Variants in LDB2 observed in about 807,000 individuals in gnomAD.
LDB2 encodes LIM domain binding 2, also known as LIM domain-binding protein 2.
A neutral mutation model predicts 44.3 loss-of-function variants in LDB2; 12 were observed. The ratio of observed to expected loss-of-function variants is 0.27; its 90% CI spans 0.17 to 0.44. LDB2 has a LOEUF of 0.44. LDB2 is among the 20% of genes least tolerant of loss of function. The pLI, the probability that LDB2 is intolerant of heterozygous loss-of-function variation, is 1.00. For synonymous variants in LDB2, 164 were observed against 174.8 expected (o/e 0.94, Z 0.49); for missense variants, 344 against 473.5 (o/e 0.73, Z 2.54).
At chr4:16,654,385 GA>G (rs1739165888) in intron 2 of LDB2, among the ~76,000 whole-genome samples, 1 of 152,180 alleles carries the variant, frequency 6.6e-6, no homozygotes. Context: ...AAATGATAAA[GA>G]GTGTGGAAGG....
At chr4:16,717,581 A>C (rs1203529242) in intron 2 of LDB2, among the ~76,000 whole-genome samples, 1 of 152,216 alleles carries the variant, frequency 6.6e-6, no homozygotes, top group Non-Finnish European at 1.5e-5. Context: ...TAATCATATA[A>C]AAAGTTTTCT....
chr4:16,505,788 C>T, intron 7 of LDB2: 3 of 1,490,596 alleles, frequency 2.0e-6, no homozygotes, highest in Non-Finnish European at 2.7e-6. Context: ...GTGCCACCAG[C>T]TCTCACCCAT....
intron 2 of LDB2, among the ~76,000 whole-genome samples, chr4:16,751,263 A>G (rs1243698102): frequency 6.6e-6 from 1 of 152,224 alleles, no homozygotes; most frequent in Non-Finnish European, 1.5e-5. Flanking sequence ...GACTTATAAC[A>G]TATTAGGGGA....
rs918581892 is a variant in LDB2, at chr4:16,754,542, T to A, written c.235+4616A>T. 6.0e-5 allele frequency among the ~76,000 whole-genome samples: 9 copies of A among 150,640 alleles called. 1 individual carries two copies. The highest frequency in any genetic ancestry group is 1.9e-4 in the East Asian group (1 of 5,140). Reference sequence around the variant, plus strand: ...ATGGCAGTATTTTTTTTTTTTTTTTTATTGAGACAGAGTCTCGCTCTGTCA... The same window carrying A: ...ATGGCAGTATTTTTTTTTTTTTTTTAATTGAGACAGAGTCTCGCTCTGTCA... On this transcript the variant is annotated intron_variant, in intron 2 of 7. Coordinates refer to ENST00000304523, the MANE Select transcript of LDB2 (RefSeq NM_001290.5).
chr4:16,713,395 G>T (rs1756368607), intron 2 of LDB2, among the ~76,000 whole-genome samples: 1 of 151,708 alleles, frequency 6.6e-6, no homozygotes, highest in South Asian at 2.1e-4. Context: ...GATCAGAAAT[G>T]AAAGGAAGTG....
chr4:16,567,139 C>G (rs974804326), intron 5 of LDB2, among the ~76,000 whole-genome samples: 1 of 152,082 alleles, frequency 6.6e-6, no homozygotes, highest in African/African-American at 2.4e-5. Context: ...AGAAATTTCT[C>G]CTACATATTT....
intron 1 of LDB2, among the ~76,000 whole-genome samples, chr4:16,879,761 T>C (rs1358151399): frequency 2.0e-5 from 3 of 152,156 alleles, no homozygotes; most frequent in Non-Finnish European, 4.4e-5. Flanking sequence ...CCTGGATATA[T>C]ACCCTATATC....
At chr4:16,702,706 A>T (rs901951732) in intron 2 of LDB2, among the ~76,000 whole-genome samples, 6 of 152,076 alleles carry the variant, frequency 3.9e-5, no homozygotes, top group Admixed American at 1.3e-4. Context: ...CTGCATGGGG[A>T]TGCATGAGTG....
At chr4:16,881,068 C>A (rs1258636599) in intron 1 of LDB2, among the ~76,000 whole-genome samples, 3 of 152,140 alleles carry the variant, frequency 2.0e-5, no homozygotes, top group Non-Finnish European at 4.4e-5. Flanking sequence ...ACTGAGGAAC[C>A]AAAATCGAAG....
chr4:16,690,318 C>T (rs994069191), intron 2 of LDB2, among the ~76,000 whole-genome samples: 4 of 151,450 alleles, frequency 2.6e-5, no homozygotes, highest in African/African-American at 9.7e-5. Flanking sequence ...AAAAAATTAG[C>T]TGGGAATGGT....
intron 2 of LDB2, among the ~76,000 whole-genome samples, chr4:16,616,733 A>C (rs1327840062): frequency 6.6e-6 from 1 of 151,990 alleles, no homozygotes; most frequent in African/African-American, 2.4e-5. Flanking sequence ...TATTTCCCAG[A>C]GCTAGGAGAC....
At chr4:16,706,942 C>T (rs1754742301) in intron 2 of LDB2, among the ~76,000 whole-genome samples, 1 of 152,072 alleles carries the variant, frequency 6.6e-6, no homozygotes. Context: ...CTTTACTGAC[C>T]ACAATTCTGT....
At chr4:16,826,185 G>C (rs1195847911) in intron 1 of LDB2, among the ~76,000 whole-genome samples, 1 of 152,098 alleles carries the variant, frequency 6.6e-6, no homozygotes, top group African/African-American at 2.4e-5. Flanking sequence ...AGATAGATTA[G>C]ATAGATGAGA....
At chr4:16,641,511 A>T (rs886134204) in intron 2 of LDB2, among the ~76,000 whole-genome samples, 7 of 152,052 alleles carry the variant, frequency 4.6e-5, no homozygotes, top group African/African-American at 1.7e-4. Flanking sequence ...GGGGGCTTTT[A>T]CTCATGGCAG....
chr4:16,550,689 C>T (rs1408895984), intron 5 of LDB2, among the ~76,000 whole-genome samples: 1 of 152,188 alleles, frequency 6.6e-6, no homozygotes, highest in East Asian at 1.9e-4. Flanking sequence ...CAAATTGGCA[C>T]AAGCCTTTTG....
intron 1 of LDB2, among the ~76,000 whole-genome samples, chr4:16,797,347 T>C (rs1007455636): frequency 2.6e-5 from 4 of 152,152 alleles, no homozygotes; most frequent in Admixed American, 6.5e-5. Flanking sequence ...CTAAGGATCA[T>C]ACTAAGATCA....
At chr4:16,740,692 C>T (rs1763074746) in intron 2 of LDB2, among the ~76,000 whole-genome samples, 1 of 152,218 alleles carries the variant, frequency 6.6e-6, no homozygotes, top group Non-Finnish European at 1.5e-5. Flanking sequence ...AGATCTAATT[C>T]ATGTATATGA....
chr4:16,757,802 C>T (rs1010657426), intron 2 of LDB2, among the ~76,000 whole-genome samples: 3 of 152,104 alleles, frequency 2.0e-5, no homozygotes, highest in Non-Finnish European at 2.9e-5. Context: ...ACCCACACAC[C>T]GGAGAGCAAG....
At chr4:16,629,914 A>G (rs1312342513) in intron 2 of LDB2, among the ~76,000 whole-genome samples, 2 of 151,978 alleles carry the variant, frequency 1.3e-5, no homozygotes, top group Non-Finnish European at 2.9e-5. Flanking sequence ...AACAAACAAA[A>G]CCTCCAAGAA....
Sources: gnomAD v4.1 joint callset for allele counts (sites outside exome capture counted in the v4.1 genomes callset) on GRCh38, gnomAD v4.1.1 for gene constraint, MANE v1.5 for transcripts, NCBI Gene and HGNC (gene_info 2026-07-23, HGNC 2026-07-21) for gene names.